The following ALG9 variants were observed in gnomAD, a reference collection of about 807,000 sequenced individuals.
ALG9 encodes alpha-1,2-mannosyltransferase ALG9.
In ALG9, 55 loss-of-function variants were observed where a neutral mutation model predicts 81.8. The ratio of observed to expected loss-of-function variants is 0.67; its 90% CI spans 0.54 to 0.84. The LOEUF is 0.84. ALG9 is among the 40% of genes least tolerant of loss of function. ALG9 has a pLI of 0.00. For synonymous variants in ALG9, 278 were observed against 274.3 expected, an observed-to-expected ratio of 1.01 and a Z score of -0.13; for missense variants, 629 against 745.0, an observed-to-expected ratio of 0.84 and a Z score of 1.81.
intron 13 of ALG9, among the ~76,000 whole-genome samples, 170 bp from the exon 14 acceptor site, chr11:111,809,943 T>C (rs988646468): frequency 2.0e-5 from 3 of 152,122 alleles, no homozygotes; most frequent in African/African-American, 7.2e-5. Context: ...TTCAGGCTCT[T>C]GTGGGGGAGA....
chr11:111,837,556 T>C lies in ALG9; in HGVS notation c.1384A>G (p.Ile462Val), dbSNP rs782350313. ...GGTCTGCCTTCTGGGACAGTGTGGATGGTTGGGTCTGTAGCAATTCGGTAA... is the reference window on the plus strand; with the variant it reads ...GGTCTGCCTTCTGGGACAGTGTGGACGGTTGGGTCTGTAGCAATTCGGTAA... ...EFYRIATDPT[I>V]HTVPEGRPVN... Residue 462 changes from isoleucine to valine, a missense_variant, in exon 12 of 15, where the codon ATC (isoleucine) becomes GTC (valine). Transcript: ENST00000616540. 1.8e-5 allele frequency: 29 copies of C among 1,614,016 alleles called. No homozygotes were observed. The South Asian group carries it at 2.0e-4, about 11-fold the overall frequency.
chr11:111,772,414 A>G, the ALG9 span, among the ~76,000 whole-genome samples: 1 of 152,246 alleles, frequency 6.6e-6, no homozygotes, highest in African/African-American at 2.4e-5. Context: ...CAATATAGCA[A>G]GAAAAAAGAA....
intron 13 of ALG9, among the ~76,000 whole-genome samples, chr11:111,812,468 G>A (rs1006585349): frequency 6.6e-6 from 1 of 152,190 alleles, no homozygotes; most frequent in African/African-American, 2.4e-5. Flanking sequence ...TCAGGAGATT[G>A]AGGCAGGAAA....
chr11:111,804,845 A>G (rs1367803494), intron 14 of ALG9, among the ~76,000 whole-genome samples: 3 of 152,246 alleles, frequency 2.0e-5, no homozygotes, highest in Non-Finnish European at 4.4e-5. Flanking sequence ...GAACTCATTC[A>G]TTCATTGCTG....
chr11:111,869,798 G>A (rs1169478022), intron 2 of ALG9, among the ~76,000 whole-genome samples: 2 of 152,116 alleles, frequency 1.3e-5, no homozygotes, highest in Admixed American at 6.6e-5. Flanking sequence ...TACCAGCCTC[G>A]GTGACATAAT....
chr11:111,862,239 C>CTT (rs782528613), intron 4 of ALG9, among the ~76,000 whole-genome samples: 26 of 131,364 alleles, frequency 2.0e-4, no homozygotes, highest in African/African-American at 3.1e-4. Context: ...TCTTTTTTTT[C>CTT]TTTTTTTTTT....
In ALG9 at chr11:111,816,438, G is replaced by A. The variant is rs1027809359; in HGVS notation, c.1603-6665C>T. Among the ~76,000 whole-genome samples the A allele has an allele frequency of 8.6e-5, 13 of 152,030 alleles. No homozygotes were observed. In the East Asian group the frequency reaches 1.2e-3, roughly 14 times the overall value. On this transcript the variant is annotated intron_variant, in intron 13 of 14. Coordinates refer to ENST00000616540, the MANE Select transcript of ALG9 (RefSeq NM_024740.2). The stretch of plus-strand genomic sequence containing the variant: ...ATTTATTTTTATTTTTTGTAGAGAC[G>A]GGGGTCTTGCTATGCTGCCTAGGCT...
At chr11:111,855,963 G>A (rs1428953397) in intron 6 of ALG9, among the ~76,000 whole-genome samples, 1 of 152,002 alleles carries the variant, frequency 6.6e-6, no homozygotes, top group Non-Finnish European at 1.5e-5. Context: ...ATTCCCACAA[G>A]TGCACAAAGA....
intron 12 of ALG9, 79 bp downstream of exon 12, chr11:111,837,388 AC>A: frequency 6.4e-7 from 1 of 1,559,126 alleles, no homozygotes. Flanking sequence ...CCAAAAGAAA[AC>A]AAAAATTAGA....
chr11:111,849,110 G>A (rs1332750772), intron 8 of ALG9, among the ~76,000 whole-genome samples: 3 of 151,332 alleles, frequency 2.0e-5, no homozygotes, highest in Admixed American at 1.3e-4. Context: ...GAGTGCAGTC[G>A]TGCAGTTTCG....
rs1422448039 is a variant in ALG9, at chr11:111,782,905, T to C, written c.*3492A>G. The C allele has an allele frequency of 1.3e-5, 2 of 152,164 alleles. No homozygotes were observed. Among genetic ancestry groups the C allele is most frequent in the African/African-American group, 4.8e-5 (2 of 41,442 alleles). 9.4% of individuals were successfully genotyped at this position (152,164 alleles called of 1,614,324 possible). A position where few individuals can be genotyped will look rare whatever the true frequency, so the allele number is the denominator to read the frequency against. ...CTATTTCCAAACTTGAATTCGGTAATAAAGAGTATGGGCTGCAATTTTCTG... is the reference window on the plus strand; with the variant it reads ...CTATTTCCAAACTTGAATTCGGTAACAAAGAGTATGGGCTGCAATTTTCTG... On this transcript the variant is annotated 3_prime_UTR_variant, in exon 15 of 15. Transcript: ENST00000616540.
intron 13 of ALG9, among the ~76,000 whole-genome samples, chr11:111,819,939 G>A (rs1952071424): frequency 6.6e-6 from 1 of 152,176 alleles, no homozygotes; most frequent in African/African-American, 2.4e-5. Context: ...CCAACACCAC[G>A]CTGTTCAAAA....
At chr11:111,832,215 G>C (rs1555113831) in intron 13 of ALG9, among the ~76,000 whole-genome samples, 1 of 152,166 alleles carries the variant, frequency 6.6e-6, no homozygotes, top group African/African-American at 2.4e-5. Flanking sequence ...ATTTATTGTA[G>C]TATTTATGCA....
chr11:111,789,712 C>T (rs576206925), intron 14 of ALG9, among the ~76,000 whole-genome samples: 2 of 151,330 alleles, frequency 1.3e-5, no homozygotes, highest in South Asian at 2.1e-4. Flanking sequence ...CCCAGCTACT[C>T]GGGACGCTGA....
Position 111,844,852 on chromosome 11 carries a change from GC to G in ALG9, c.896-130del, listed in dbSNP as rs751489597. On this transcript the variant is annotated intron_variant, in intron 8 of 14. Transcript: ENST00000616540. ...TGCCTCATGGGAATGAGAGTGCACA[GC>G]CCACTCTTCCCATGCTAAGCTACAC... 3.1e-6 allele frequency: 3 copies of G among 983,172 alleles called. No individual in the cohort carries two copies. The Admixed American group carries it at 5.2e-5, about 17-fold the overall frequency. 60.9% of individuals were successfully genotyped at this position (983,172 alleles called of 1,614,324 possible).
intron 4 of ALG9, among the ~76,000 whole-genome samples, chr11:111,862,003 C>T (rs552359740): frequency 6.6e-6 from 1 of 152,196 alleles, no homozygotes; most frequent in African/African-American, 2.4e-5. Context: ...TAAAATCTTT[C>T]TCTTTGTCTC....
In ALG9 at chr11:111,818,873, A is replaced by T. The variant is rs571234150; in HGVS notation, c.1603-9100T>A. On this transcript the variant is annotated intron_variant, in intron 13 of 14. Transcript: ENST00000616540. ...AAGTGAAGGAGGGAAGAAAAGGTAA[A>T]AGAGCAGAAGAGAGACAAAAAACAA... is the stretch of plus-strand genomic sequence containing the variant. 1.1e-4 allele frequency among the ~76,000 whole-genome samples: 17 copies of T among 152,324 alleles called. No homozygotes were observed. The South Asian group carries it at 3.5e-3, about 32-fold the overall frequency.
intron 8 of ALG9, among the ~76,000 whole-genome samples, chr11:111,848,458 T>A (rs1305415658): frequency 2.0e-5 from 3 of 151,704 alleles, no homozygotes; most frequent in African/African-American, 7.3e-5. Context: ...GGTGTGGTGG[T>A]GCATGCCTGT....
chr11:111,776,071 C>T, the ALG9 span, among the ~76,000 whole-genome samples: 16 of 152,162 alleles, frequency 1.1e-4, no homozygotes, highest in Admixed American at 5.2e-4. Flanking sequence ...GCATTCCTGA[C>T]GTAAGTGGGG....
Sources: gnomAD v4.1 joint callset for allele counts (sites outside exome capture counted in the v4.1 genomes callset) on GRCh38, gnomAD v4.1.1 for gene constraint, MANE v1.5 for transcripts, NCBI Gene and HGNC (gene_info 2026-07-23, HGNC 2026-07-21) for gene names.